Variants in RFTN2 observed in about 807,000 individuals in gnomAD.
RFTN2 encodes raftlin-2.
A neutral mutation model predicts 52.7 loss-of-function variants in RFTN2; 34 were observed. That is an observed-to-expected ratio of 0.64 (90% CI 0.49 to 0.86). The LOEUF is 0.86. Ranked by LOEUF, RFTN2 falls within the 40% of genes least tolerant of loss-of-function variation. RFTN2 has a pLI of 0.00. For synonymous variants in RFTN2, 203 were observed against 217.7 expected (o/e 0.93, Z 0.59); for missense variants, 536 against 600.1 (o/e 0.89, Z 1.12).
intron 3 of RFTN2, among the ~76,000 whole-genome samples, chr2:197,639,884 G>A (rs1186511388): frequency 6.8e-6 from 1 of 146,726 alleles, no homozygotes; most frequent in East Asian, 2.0e-4. Flanking sequence ...TCTACTTTTG[G>A]TCTTTGATGA....
In RFTN2 at chr2:197,597,432, G is replaced by C. The variant is rs544777021; in HGVS notation, c.1155-1363C>G. 1.5e-3 allele frequency among the ~76,000 whole-genome samples: 232 copies of C among 152,338 alleles called. 1 individual carries two copies. Among genetic ancestry groups the C allele is most frequent in the African/African-American group, 5.4e-3 (225 of 41,582 alleles). On this transcript the variant is annotated intron_variant, in intron 7 of 8. Transcript: ENST00000295049. ...AAAGCCATGGCTTTGGAACCAGACA[G>C]TTCCTGGGTTCAAATCCAAACTCTG... is the stretch of plus-strand genomic sequence containing the variant.
At chr2:197,628,959 A>G (rs1418678895) in intron 5 of RFTN2, among the ~76,000 whole-genome samples, 18 of 152,206 alleles carry the variant, frequency 1.2e-4, no homozygotes, top group Admixed American at 1.1e-3. Flanking sequence ...TGTCCTTCCT[A>G]TGAAACTTTG....
intron 7 of RFTN2, among the ~76,000 whole-genome samples, chr2:197,606,961 T>G (rs2087971459): frequency 6.6e-6 from 1 of 152,218 alleles, no homozygotes; most frequent in Non-Finnish European, 1.5e-5. Context: ...ACTATTTGAC[T>G]CAGCAATCCC....
intron 5 of RFTN2, among the ~76,000 whole-genome samples, chr2:197,627,694 G>A (rs573850805): frequency 1.2e-4 from 18 of 152,206 alleles, no homozygotes; most frequent in Admixed American, 5.2e-4. Flanking sequence ...GCGGTGGTGG[G>A]GCATTTGGAG....
At chr2:197,581,648 T>C (rs1307685618) in intron 8 of RFTN2, among the ~76,000 whole-genome samples, 1 of 152,190 alleles carries the variant, frequency 6.6e-6, no homozygotes, top group Non-Finnish European at 1.5e-5. Context: ...CTCCAAGGGA[T>C]ATCTGGTACC....
chr2:197,633,279 T>C (rs2088495965), intron 4 of RFTN2, among the ~76,000 whole-genome samples: 1 of 152,200 alleles, frequency 6.6e-6, no homozygotes, highest in Non-Finnish European at 1.5e-5. Context: ...TAGTTGATGA[T>C]CAAAGAAAGC....
chr2:197,663,927 C>T (rs1359041023), intron 1 of RFTN2, among the ~76,000 whole-genome samples: 1 of 151,978 alleles, frequency 6.6e-6, no homozygotes, highest in African/African-American at 2.4e-5. Flanking sequence ...TTGATGTAGG[C>T]ATTTATTGCT....
intron 1 of RFTN2, among the ~76,000 whole-genome samples, chr2:197,649,527 A>G (rs749266202): frequency 6.6e-6 from 1 of 152,224 alleles, no homozygotes; most frequent in African/African-American, 2.4e-5. Context: ...AAAAGTTCAC[A>G]TGAGCTTGTG....
At chr2:197,593,432 A>C (rs2087748092) in intron 8 of RFTN2, among the ~76,000 whole-genome samples, 1 of 152,034 alleles carries the variant, frequency 6.6e-6, no homozygotes, top group Non-Finnish European at 1.5e-5. Flanking sequence ...GGAATTAAAA[A>C]CCTTATATCT....
In RFTN2 at chr2:197,607,161, T is replaced by C. The variant is rs1033476655; in HGVS notation, c.1154+8715A>G. On this transcript the variant is annotated intron_variant, in intron 7 of 8. Coordinates refer to ENST00000295049, the MANE Select transcript of RFTN2 (RefSeq NM_144629.3). The stretch of plus-strand genomic sequence containing the variant: ...AATACTATGCAGCCATAAAAAATGA[T>C]GAGTTCATGTTCTTTGTAGGGACAT... Among the ~76,000 whole-genome samples, 6 of 152,318 alleles carry C rather than the reference T, an allele frequency of 3.9e-5. No individual in the cohort carries two copies. The South Asian group carries it at 1.2e-3, about 32-fold the overall frequency.
At chr2:197,642,929 T>G (rs2088695465) in intron 3 of RFTN2, among the ~76,000 whole-genome samples, 1 of 152,166 alleles carries the variant, frequency 6.6e-6, no homozygotes, top group African/African-American at 2.4e-5. Context: ...CAGCGAGCTA[T>G]GATTGTGCCA....
chr2:197,631,249 A>G, intron 4 of RFTN2, 29 bp from the exon 5 acceptor site: 1 of 1,500,364 alleles, frequency 6.7e-7, no homozygotes, highest in Non-Finnish European at 9.2e-7. Flanking sequence ...AAAAAAGGGG[A>G]AAATTATAAT....
At chr2:197,592,513 G>A (rs2106184029) in intron 8 of RFTN2, among the ~76,000 whole-genome samples, 1 of 152,272 alleles carries the variant, frequency 6.6e-6, no homozygotes, top group South Asian at 2.1e-4. Flanking sequence ...TTTTTTCAAA[G>A]GTCAGACTCT....
At chr2:197,638,887 C>T (rs1346554856) in intron 3 of RFTN2, among the ~76,000 whole-genome samples, 1 of 151,334 alleles carries the variant, frequency 6.6e-6, no homozygotes, top group Non-Finnish European at 1.5e-5. Flanking sequence ...CCGGTTGTTC[C>T]TTTCCATGTT....
chr2:197,657,320 A>G (rs2088908186), intron 1 of RFTN2, among the ~76,000 whole-genome samples: 1 of 152,218 alleles, frequency 6.6e-6, no homozygotes, highest in South Asian at 2.1e-4. Context: ...ATTAGTTTGT[A>G]ACTTCTGCCC....
chr2:197,614,838 G>A (rs1383513814), intron 7 of RFTN2, among the ~76,000 whole-genome samples: 1 of 152,236 alleles, frequency 6.6e-6, no homozygotes, highest in Non-Finnish European at 1.5e-5. Flanking sequence ...TGACAGATAT[G>A]TCACAGAGTA....
At chr2:197,595,008 TA>T (rs2087774352) in intron 8 of RFTN2, among the ~76,000 whole-genome samples, 1 of 152,260 alleles carries the variant, frequency 6.6e-6, no homozygotes, top group Non-Finnish European at 1.5e-5. Context: ...AGAATCACTT[TA>T]AATAGTTTTC....
chr2:197,573,553 T>C (rs2087353443), intron 8 of RFTN2, among the ~76,000 whole-genome samples: 1 of 152,220 alleles, frequency 6.6e-6, no homozygotes, highest in Admixed American at 6.5e-5. Flanking sequence ...AATTGGAACT[T>C]ATGTTTACAT....
At chr2:197,671,575 G>A (rs1366036663) in intron 1 of RFTN2, among the ~76,000 whole-genome samples, 1 of 152,200 alleles carries the variant, frequency 6.6e-6, no homozygotes, top group African/African-American at 2.4e-5. Context: ...CAGTTTGACC[G>A]AGTTGAATAC....
Sources: allele counts gnomAD v4.1 joint callset (sites outside exome capture counted in the v4.1 genomes callset), GRCh38; gene constraint gnomAD v4.1.1; transcripts MANE v1.5; gene names NCBI Gene and HGNC (gene_info 2026-07-23, HGNC 2026-07-21).